The following ADGRE3 variants were observed in gnomAD, a reference collection of about 807,000 sequenced individuals.
ADGRE3 encodes EGF-like module receptor 3.
In ADGRE3, 88 loss-of-function variants were observed where a neutral mutation model predicts 80.1. The observed-to-expected ratio is 1.10, with a 90% confidence interval of 0.93 to 1.31. The LOEUF (loss-of-function observed/expected upper bound fraction) is 1.31. Among genes scored for constraint, ADGRE3 ranks in the 40% most tolerant of loss-of-function variants. The pLI is 0.00. For missense variants in ADGRE3, 715 were observed against 776.5 expected, an observed-to-expected ratio of 0.92 and a Z score of 0.94; for synonymous variants, 281 against 294.8, an observed-to-expected ratio of 0.95 and a Z score of 0.48.
intron 4 of ADGRE3, among the ~76,000 whole-genome samples, chr19:14,659,847 A>AAAAAAAAAAAAAAAAAAAAC: frequency 6.6e-6 from 1 of 150,830 alleles, no homozygotes; most frequent in African/African-American, 2.4e-5. Context: ...AAAAAAAAAA[A>AAAAAAAAAAAAAAAAAAAAC]AGACAAGGAA....
At chr19:14,653,958 T>G (rs1185582130) in intron 6 of ADGRE3, among the ~76,000 whole-genome samples, 1 of 150,970 alleles carries the variant, frequency 6.6e-6, no homozygotes, top group African/African-American at 2.4e-5. Context: ...TTTTTTTTTT[T>G]TTTTTTTAAT....
intron 14 of ADGRE3, among the ~76,000 whole-genome samples, chr19:14,627,828 C>A (rs1344588361): frequency 6.6e-6 from 1 of 151,918 alleles, no homozygotes; most frequent in Non-Finnish European, 1.5e-5. Context: ...CTATATATAT[C>A]TTTAAAAACT....
At chr19:14,663,788 G>A (rs888062947) in intron 2 of ADGRE3, among the ~76,000 whole-genome samples, 5 of 151,762 alleles carry the variant, frequency 3.3e-5, no homozygotes, top group African/African-American at 9.7e-5. Flanking sequence ...GCAGTGAGCC[G>A]AGATTGTGCC....
intron 10 of ADGRE3, among the ~76,000 whole-genome samples, chr19:14,639,620 T>C (rs1971192234): frequency 6.6e-6 from 1 of 152,122 alleles, no homozygotes; most frequent in South Asian, 2.1e-4. Context: ...CTCACTATAT[T>C]GCCCAGGATG....
chr19:14,642,412 G>A (rs374811241), intron 9 of ADGRE3, among the ~76,000 whole-genome samples: 1 of 152,086 alleles, frequency 6.6e-6, no homozygotes, highest in Non-Finnish European at 1.5e-5. Context: ...TGATCAGAGA[G>A]CTCATACTAA....
intron 2 of ADGRE3, among the ~76,000 whole-genome samples, chr19:14,665,936 G>GTATATATATGCATACATATATATATATA (rs71166783): frequency 0.014 from 601 of 42,100 alleles, 202 homozygotes; most frequent in Non-Finnish European, 0.017. Context: ...ACACATATGT[G>GTATATATATGCATACATATATATATATA]TATATATATA....
At chr19:14,657,712 G>T (rs2146883651) in intron 5 of ADGRE3, among the ~76,000 whole-genome samples, 1 of 150,598 alleles carries the variant, frequency 6.6e-6, no homozygotes, top group South Asian at 2.1e-4. Context: ...TGTGAGTTTT[G>T]CATCCTGCCT....
chr19:14,628,717 G>T (rs140829266), intron 14 of ADGRE3: 132 of 388,232 alleles, frequency 3.4e-4, no homozygotes, highest in South Asian at 2.4e-3. Flanking sequence ...GACTGGGATG[G>T]ATCTATGAGT....
chr19:14,657,369 A>T (rs1971796678), intron 5 of ADGRE3, among the ~76,000 whole-genome samples: 2 of 151,984 alleles, frequency 1.3e-5, no homozygotes, highest in South Asian at 4.2e-4. Context: ...ATACCATTGG[A>T]TACTTGGATG....
intron 1 of ADGRE3, among the ~76,000 whole-genome samples, chr19:14,672,082 C>A (rs575078068): frequency 2.6e-5 from 4 of 152,240 alleles, no homozygotes; most frequent in Admixed American, 6.6e-5. Context: ...GCCACACAAA[C>A]CTTACGCCTG....
intron 11 of ADGRE3, among the ~76,000 whole-genome samples, chr19:14,635,186 T>C (rs1354165656): frequency 1.3e-5 from 2 of 152,124 alleles, no homozygotes; most frequent in Non-Finnish European, 2.9e-5. Flanking sequence ...AACCTTGAAC[T>C]CCTGTGCTCA....
At chr19:14,628,380 A>G (rs1970789266) in intron 14 of ADGRE3, among the ~76,000 whole-genome samples, 2 of 149,038 alleles carry the variant, frequency 1.3e-5, no homozygotes, top group Admixed American at 1.3e-4. Flanking sequence ...AGGCAGTTGC[A>G]GTGAGCCGAG....
intron 1 of ADGRE3, among the ~76,000 whole-genome samples, chr19:14,672,432 G>A (rs1972281520): frequency 6.6e-6 from 1 of 152,170 alleles, no homozygotes. Flanking sequence ...GCTTCCTTAT[G>A]TGAAATAGGG....
chr19:14,662,474 C>G (rs1971975682), intron 3 of ADGRE3, among the ~76,000 whole-genome samples: 2 of 152,130 alleles, frequency 1.3e-5, no homozygotes, highest in African/African-American at 4.8e-5. Flanking sequence ...CAACTTCTGC[C>G]TCCTGAGTTC....
intron 2 of ADGRE3, among the ~76,000 whole-genome samples, chr19:14,665,221 G>A (rs1039751372): frequency 6.6e-6 from 1 of 151,562 alleles, no homozygotes; most frequent in Admixed American, 6.6e-5. Context: ...CCGCCACCAC[G>A]CCCGGCTAAT....
chr19:14,606,086 C>G, the ADGRE3 span, among the ~76,000 whole-genome samples: 5 of 152,088 alleles, frequency 3.3e-5, no homozygotes, highest in Non-Finnish European at 5.9e-5. Context: ...CATCTTCCTT[C>G]CTTCTTTTCC....
intron 2 of ADGRE3, among the ~76,000 whole-genome samples, chr19:14,665,055 A>ATTT (rs916325882): frequency 3.9e-4 from 35 of 89,818 alleles, no homozygotes; most frequent in African/African-American, 6.2e-4. Context: ...GAGCAACCTC[A>ATTT]TTTTTTTTTT....
At chr19:14,633,402 C>G in intron 11 of ADGRE3, 100 bp from the exon 12 acceptor site, 1 of 948,990 alleles carries the variant, frequency 1.1e-6, no homozygotes, top group South Asian at 1.6e-5. Flanking sequence ...TTTCCAGTTT[C>G]TCTTGAAAGT....
intron 15 of ADGRE3, among the ~76,000 whole-genome samples, chr19:14,620,474 TGAG>T (rs1970528009): frequency 3.3e-5 from 1 of 30,576 alleles, no homozygotes; most frequent in Non-Finnish European, 7.0e-5. Context: ...GAATATATTA[TGAG>T]TACATATGAA....
Sources: gnomAD v4.1 joint callset for allele counts (sites outside exome capture counted in the v4.1 genomes callset) on GRCh38, gnomAD v4.1.1 for gene constraint, MANE v1.5 for transcripts, NCBI Gene and HGNC (gene_info 2026-07-23, HGNC 2026-07-21) for gene names.